Variants in ASIC5 observed in about 807,000 individuals in gnomAD.
ASIC5 encodes bile acid-sensitive ion channel.
ASIC5 carries 52 observed loss-of-function variants against 51.2 expected under a neutral mutation model. The ratio of observed to expected loss-of-function variants is 1.02; its 90% confidence interval spans 0.81 to 1.28. The LOEUF is 1.28. Among genes scored for constraint, ASIC5 ranks in the 50% most tolerant of loss-of-function variants. The pLI, the probability that ASIC5 is intolerant of heterozygous loss-of-function variation, is 0.00. For synonymous variants in ASIC5, 231 were observed against 200.7 expected, an observed-to-expected ratio of 1.15 and a Z score of -1.28; for missense variants, 635 against 595.0, an observed-to-expected ratio of 1.07 and a Z score of -0.70.
At position 155,853,219 on chromosome 4, in the gene ASIC5, T is replaced by G. The variant is rs149627761; in HGVS notation, c.585+858A>C. Among the ~76,000 whole-genome samples, 684 of 152,164 alleles carry G rather than the reference T, an allele frequency of 4.5e-3. 4 individuals carry two copies. Among genetic ancestry groups the G allele is most frequent in the African/African-American group, 0.016 (651 of 41,542 alleles). On this transcript the variant is annotated intron_variant, in intron 3 of 9. Transcript: ENST00000537611. ...AAAAACAGCATAAGAAAGCTTACTT[T>G]CCAAGTTAAGAGTTTAGGCCAGAAC...
intron 2 of ASIC5, among the ~76,000 whole-genome samples, chr4:155,860,026 A>G (rs1741656868): frequency 6.6e-6 from 1 of 152,138 alleles, no homozygotes; most frequent in African/African-American, 2.4e-5. Context: ...GAATTGACAA[A>G]GTCTTAAGTA....
intron 6 of ASIC5, among the ~76,000 whole-genome samples, chr4:155,841,997 T>G (rs1741129974): frequency 6.6e-6 from 1 of 152,172 alleles, no homozygotes; most frequent in African/African-American, 2.4e-5. Context: ...GACTTTGTTA[T>G]TAGTTGTCAT....
At chr4:155,856,398 A>G (rs898993935) in intron 2 of ASIC5, among the ~76,000 whole-genome samples, 1 of 152,092 alleles carries the variant, frequency 6.6e-6, no homozygotes, top group African/African-American at 2.4e-5. Context: ...AAAAATGGAG[A>G]AACAACCTCA....
intron 2 of ASIC5, among the ~76,000 whole-genome samples, chr4:155,861,877 A>G (rs1741716079): frequency 6.6e-6 from 1 of 152,028 alleles, no homozygotes; most frequent in South Asian, 2.1e-4. Context: ...GGCTCATCCT[A>G]GTGCAGTATA....
At chr4:155,864,293 C>A (rs1235001577) in intron 1 of ASIC5, among the ~76,000 whole-genome samples, 1 of 152,036 alleles carries the variant, frequency 6.6e-6, no homozygotes, top group Non-Finnish European at 1.5e-5. Flanking sequence ...GTTGTTTAGT[C>A]AGAATGTTCA....
intron 2 of ASIC5, among the ~76,000 whole-genome samples, 184 bp downstream of exon 2, chr4:155,863,264 A>G (rs995604696): frequency 1.3e-5 from 2 of 152,156 alleles, no homozygotes; most frequent in Admixed American, 1.3e-4. Flanking sequence ...AATAAGTGAA[A>G]GAAGAAATTA....
At chr4:155,852,096 G>A (rs1741393682) in intron 4 of ASIC5, 95 bp downstream of exon 4, 4 of 1,321,210 alleles carry the variant, frequency 3.0e-6, no homozygotes, top group South Asian at 1.3e-5. Flanking sequence ...AATATCCAAT[G>A]TGTGGGAACT....
At chr4:155,853,495 TA>T (rs1741437191) in intron 3 of ASIC5, among the ~76,000 whole-genome samples, 1 of 150,594 alleles carries the variant, frequency 6.6e-6, no homozygotes, top group Admixed American at 6.6e-5. Flanking sequence ...TAAACAATAA[TA>T]ACAGGATTTT....
In ASIC5 at chr4:155,836,724, A is replaced by G. The variant is rs1395574796; in HGVS notation, c.1200T>C (p.Leu400=). ...SFPSQKALKY[L]SKKLNQSRKY... is the part of the protein sequence containing the mutation. ...TCCGGCTTTGATTCAACTTCTTGGA[A>G]AGATATTTCAAAGCTTTTTGACTTG... Residue 400 remains leucine (L), a synonymous_variant, in exon 8 of 10, where the codon CTT becomes CTC. Coordinates refer to ENST00000537611, the MANE Select transcript of ASIC5 (RefSeq NM_017419.3). 2.5e-6 allele frequency: 4 copies of G among 1,611,028 alleles called. No individual in the cohort carries two copies. The Admixed American group carries it at 5.0e-5, about 20-fold the overall frequency.
chr4:155,855,128 G>A (rs1741497982), intron 2 of ASIC5, among the ~76,000 whole-genome samples: 1 of 151,974 alleles, frequency 6.6e-6, no homozygotes, highest in Admixed American at 6.6e-5. Flanking sequence ...GTCATTCATG[G>A]TGATTCTGTT....
intron 4 of ASIC5, among the ~76,000 whole-genome samples, chr4:155,850,871 CT>C (rs1560747950): frequency 2.0e-5 from 3 of 151,916 alleles, no homozygotes; most frequent in Non-Finnish European, 2.9e-5. Context: ...TAAGAGTAAA[CT>C]TCTGGTGGCT....
At chr4:155,861,165 CT>C (rs1423144849) in intron 2 of ASIC5, among the ~76,000 whole-genome samples, 1 of 151,868 alleles carries the variant, frequency 6.6e-6, no homozygotes. Flanking sequence ...TGTATATGGC[CT>C]TGTATATGGT....
chr4:155,840,809 T>A (rs1741099928), intron 6 of ASIC5, among the ~76,000 whole-genome samples: 1 of 152,026 alleles, frequency 6.6e-6, no homozygotes, highest in Admixed American at 6.6e-5. Flanking sequence ...AAATTGCTTA[T>A]AGTGATAACA....
intron 7 of ASIC5, among the ~76,000 whole-genome samples, chr4:155,837,933 T>A (rs940219018): frequency 3.9e-5 from 6 of 152,022 alleles, no homozygotes; most frequent in Non-Finnish European, 5.9e-5. Flanking sequence ...AAGCTCTCCC[T>A]CCAGCCTCCA....
At chr4:155,862,727 A>G (rs1023521282) in intron 2 of ASIC5, among the ~76,000 whole-genome samples, 1 of 152,140 alleles carries the variant, frequency 6.6e-6, no homozygotes, top group Non-Finnish European at 1.5e-5. Context: ...TTGCAGCCGC[A>G]CTGATCACAG....
intron 1 of ASIC5, 92 bp downstream of exon 1, chr4:155,866,095 T>C: frequency 1.3e-6 from 1 of 742,854 alleles, no homozygotes; most frequent in Non-Finnish European, 2.2e-6. Flanking sequence ...AAATCAAATT[T>C]CCCAAATGAA....
At position 155,854,224 on chromosome 4, in the gene ASIC5, G is replaced by A; in HGVS notation, c.438C>T (p.Ala146=). The stretch of plus-strand genomic sequence containing the variant: ...TAGCCTCTCTAGAGCCAGTGGAATT[G>A]GCAGTAATTTCTTGAAGATGGAGGA... The part of the protein sequence containing the change: ...SKVLHLQEIT[A]NSTGSREATD... Residue 146 remains alanine (A), a synonymous_variant, in exon 3 of 10, where the codon GCC becomes GCT. Coordinates refer to ENST00000537611, the MANE Select transcript of ASIC5 (RefSeq NM_017419.3). The A allele has an allele frequency of 1.2e-6, 2 of 1,613,218 alleles. No homozygotes were observed. The highest frequency in any genetic ancestry group is 1.1e-5 in the South Asian group (1 of 91,070).
intron 2 of ASIC5, among the ~76,000 whole-genome samples, chr4:155,860,839 T>C (rs78815832): frequency 0.063 from 9,513 of 151,960 alleles, 1,002 homozygotes; most frequent in African/African-American, 0.22. Flanking sequence ...ACTTAGATCA[T>C]AGGCTATTAA....
chr4:155,854,256 A>G lies in ASIC5; in HGVS notation c.406T>C (p.Ser136Pro). The change falls in exon 3 of 10, where the codon TCC becomes CCC. Residue 136 changes from serine to proline, a missense_variant. Physicochemically the swap from Ser to Pro is moderately conservative, Grantham distance 74 (BLOSUM62 -1). Transcript: ENST00000537611. The stretch of plus-strand genomic sequence containing the variant: ...ATTTCTTGAAGATGGAGGACTTTGG[A>G]TACAATGTGCCATAAGAAAAAAATA... The part of the protein sequence containing the change: ...GVIFFLWHIV[S>P]KVLHLQEITA... 1 of 1,613,328 alleles carries G rather than the reference A, an allele frequency of 6.2e-7. No homozygotes were observed. The highest frequency in any genetic ancestry group is 8.5e-7 in the Non-Finnish European group (1 of 1,179,580).
Sources: gnomAD v4.1 joint callset for allele counts (sites outside exome capture counted in the v4.1 genomes callset) on GRCh38, gnomAD v4.1.1 for gene constraint, MANE v1.5 for transcripts, NCBI Gene and HGNC (gene_info 2026-07-23, HGNC 2026-07-21) for gene names.